The following LRRC56 variants were observed in gnomAD, a reference collection of about 807,000 sequenced individuals.
The protein encoded by LRRC56 is leucine-rich repeat-containing protein 56.
LRRC56 carries 41 observed loss-of-function variants against 47.8 expected under a neutral mutation model. That is an observed-to-expected ratio of 0.86 (90% CI 0.67 to 1.11). The LOEUF (loss-of-function observed/expected upper bound fraction) is 1.11. Ranked by LOEUF, LRRC56 falls within the 50% of genes most tolerant of loss-of-function variation. The pLI is 0.00. For synonymous variants in LRRC56, 387 were observed against 311.2 expected (o/e 1.24, Z -2.56); for missense variants, 759 against 704.2 (o/e 1.08, Z -0.88).
At chr11:517,083 C>T in the LRRC56 span, among the ~76,000 whole-genome samples, 1 of 152,264 alleles carries the variant, frequency 6.6e-6, no homozygotes, top group Admixed American at 6.5e-5. Context: ...CTCCTGACCT[C>T]CAATGGTCTG....
chr11:533,625 A>C (rs755995550), upstream of LRRC56: 4 of 1,613,526 alleles, frequency 2.5e-6, no homozygotes, highest in African/African-American at 5.3e-5. Context: ...GAGAGGTGGA[A>C]AGCGAGAGCT....
rs190666688 is a variant in LRRC56 at position 541,898 on chromosome 11, G to A, written c.265+274G>A. 1.9e-5 allele frequency among the ~76,000 whole-genome samples: 2 copies of A among 102,942 alleles called. No individual in the cohort carries two copies. Among genetic ancestry groups the A allele is most frequent in the African/African-American group, 4.0e-5 (1 of 24,900 alleles). The allele number at this position is 102,942 out of a possible 152,430, so 67.5% of individuals were successfully genotyped here. Reference sequence around the variant, plus strand: ...CACGCTCAGTACCCCACACACCCACGCCAGTACCCCCGGCACGCTCAGTAC... The same window carrying A: ...CACGCTCAGTACCCCACACACCCACACCAGTACCCCCGGCACGCTCAGTAC... On this transcript the variant is annotated intron_variant, in intron 5 of 13. Coordinates refer to ENST00000270115, the MANE Select transcript of LRRC56 (RefSeq NM_198075.4). This position sits in a 1 kb window ranked among gnomAD's most constrained non-coding sequence, Gnocchi z 4.1.
At chr11:552,740 G>A in intron 13 of LRRC56, 38 bp downstream of exon 13, 1 of 1,563,474 alleles carries the variant, frequency 6.4e-7, no homozygotes. Context: ...GTGCCTGGGA[G>A]TGACCAACAC....
chr11:526,264 G>A, the LRRC56 span, among the ~76,000 whole-genome samples: 1 of 152,182 alleles, frequency 6.6e-6, no homozygotes, highest in Non-Finnish European at 1.5e-5. Context: ...AAAAACTTCA[G>A]CAAAGGGGAC....
the LRRC56 span, among the ~76,000 whole-genome samples, chr11:525,142 ACCTGTAATCC>A: frequency 7.2e-6 from 1 of 139,034 alleles, no homozygotes; most frequent in Non-Finnish European, 1.6e-5. Flanking sequence ...GGTGGGTCAC[ACCTGTAATCC>A]CAGCACTTTG....
At chr11:511,307 C>T in the LRRC56 span, among the ~76,000 whole-genome samples, 2 of 142,368 alleles carry the variant, frequency 1.4e-5, no homozygotes, top group Non-Finnish European at 3.0e-5. Flanking sequence ...GGCGACAGAG[C>T]TAGACTCCGT....
In LRRC56 at chr11:554,886, C is replaced by G. The variant is rs1852684603; in HGVS notation, c.*610C>G. The G allele has an allele frequency of 1.1e-6, 1 of 872,482 alleles. No homozygotes were observed. Among genetic ancestry groups the G allele is most frequent in the Non-Finnish European group, 1.6e-6 (1 of 606,656 alleles). The allele number at this position is 872,482 out of a possible 1,614,324, so 54.0% of individuals were successfully genotyped here. ...GAAATGCGGTTTACTTTGTAGGCCA[C>G]GTTGGTTCAATAAATGATGCAGCGG... On this transcript the variant is annotated 3_prime_UTR_variant, in exon 14 of 14. Coordinates refer to ENST00000270115, the MANE Select transcript of LRRC56 (RefSeq NM_198075.4).
At chr11:552,444 G>C in intron 12 of LRRC56, 125 bp from the exon 13 acceptor site, 1 of 1,174,072 alleles carries the variant, frequency 8.5e-7, no homozygotes, top group South Asian at 1.5e-5. Context: ...CTGTCCCGTG[G>C]GGGGATCAGG....
rs779332569 is a variant in LRRC56 at position 552,559 on chromosome 11, C to T, written c.1182-10C>T. ...CAGGGCTGGAGCTTCTCCTCCTCTC[C>T]CCACCCTAGCCCCCTCCCCTATAGG... On this transcript the variant is annotated splice_polypyrimidine_tract_variant and intron_variant, in intron 12 of 13. Coordinates refer to ENST00000270115, the MANE Select transcript of LRRC56 (RefSeq NM_198075.4). 1 of 1,593,596 alleles carries T rather than the reference C, an allele frequency of 6.3e-7. No individual in the cohort carries two copies. The highest frequency in any genetic ancestry group is 1.7e-5 in the Admixed American group (1 of 58,310).
Position 552,168 on chromosome 11 carries a change from C to G in LRRC56, c.1117C>G (p.Pro373Ala), listed in dbSNP as rs746863596. The G allele has an allele frequency of 4.3e-6, 7 of 1,612,772 alleles. No individual in the cohort carries two copies. In the East Asian group the frequency reaches 1.6e-4, roughly 36 times the overall value. The change falls in exon 12 of 14, where the codon CCT becomes GCT. Residue 373 changes from proline to alanine, a missense_variant. Physicochemically the swap from Pro to Ala is conservative, Grantham distance 27 (BLOSUM62 -1). Transcript: ENST00000270115. ...CAGCACTTCCACCCCAGAGCCTGAC[C>G]CTGCAGACAGCTCTGACTTCCTGGC... is the stretch of plus-strand genomic sequence containing the variant. ...AASTSTPEPD[P>A]ADSSDFLALA...
the LRRC56 span, among the ~76,000 whole-genome samples, chr11:518,767 G>T: frequency 1.3e-5 from 2 of 152,160 alleles, no homozygotes; most frequent in Admixed American, 6.5e-5. Flanking sequence ...GGCTGCCCAC[G>T]ACGGGGCCGC....
In LRRC56 at chr11:551,131, G is replaced by A. The variant is rs895854243; in HGVS notation, c.625G>A (p.Val209Met). The A allele has an allele frequency of 2.1e-6, 3 of 1,442,372 alleles. No individual in the cohort carries two copies. The highest frequency in any genetic ancestry group is 1.4e-5 in the African/African-American group (1 of 69,268). 89.3% of individuals were successfully genotyped at this position (1,442,372 alleles called of 1,614,324 possible). Residue 209 changes from valine to methionine, a missense_variant and splice_region_variant, in exon 9 of 14, where the codon GTG (valine) becomes ATG (methionine). Val to Met is a conservative substitution (Grantham distance 21). Coordinates refer to ENST00000270115, the MANE Select transcript of LRRC56 (RefSeq NM_198075.4). ...LQPAPGPTNKVPRGYNYRAEV... is the reference protein window; with the variant it reads ...LQPAPGPTNKMPRGYNYRAEV... ...CCTCCCCCTCCCCCTCCCCCTGCAG[G>A]TGCCCAGGGGCTACAACTACAGGGC...
chr11:522,483 C>CGG, the LRRC56 span, among the ~76,000 whole-genome samples: 12 of 152,060 alleles, frequency 7.9e-5, 1 homozygote, highest in African/African-American at 2.9e-4. Context: ...AGCCAGGATA[C>CGG]TCTCGATCTC....
chr11:519,088 T>A, the LRRC56 span, among the ~76,000 whole-genome samples: 1 of 150,916 alleles, frequency 6.6e-6, no homozygotes, highest in South Asian at 2.1e-4. Context: ...GCCAAAAACC[T>A]GCTGTCTGGC....
At chr11:540,649 C>T in intron 3 of LRRC56, 25 bp from the exon 4 acceptor site, 1 of 1,603,920 alleles carries the variant, frequency 6.2e-7, no homozygotes, top group Non-Finnish European at 8.5e-7. Context: ...CAGCGTGGAG[C>T]TTTGCACTGT....
intron 13 of LRRC56, 152 bp downstream of exon 13, chr11:552,854 G>T: frequency 1.4e-6 from 1 of 711,580 alleles, no homozygotes; most frequent in Non-Finnish European, 2.3e-6. Context: ...GCCCCCTTCT[G>T]GGGGTGGGGG....
chr11:539,108 T>A (rs1851657793), intron 2 of LRRC56, among the ~76,000 whole-genome samples: 1 of 152,036 alleles, frequency 6.6e-6, no homozygotes, highest in Non-Finnish European at 1.5e-5. Context: ...TGAGATGGAG[T>A]CTCTCTCTGT....
At chr11:522,699 T>C in the LRRC56 span, among the ~76,000 whole-genome samples, 48 of 152,192 alleles carry the variant, frequency 3.2e-4, no homozygotes, top group Middle Eastern at 3.4e-3. Context: ...TCACCTGCCC[T>C]TTTTTTGTTT....
chr11:546,990 G>A (rs1852114436), intron 6 of LRRC56, among the ~76,000 whole-genome samples: 1 of 152,088 alleles, frequency 6.6e-6, no homozygotes, highest in African/African-American at 2.4e-5. Flanking sequence ...CCAGGAGGCG[G>A]AGGTTGCAGT....
Sources: allele counts gnomAD v4.1 joint callset (sites outside exome capture counted in the v4.1 genomes callset), GRCh38; gene constraint gnomAD v4.1.1; non-coding constraint Gnocchi (gnomAD v3.1); transcripts MANE v1.5; gene names NCBI Gene and HGNC (gene_info 2026-07-23, HGNC 2026-07-21).